Variants in SEMA3E observed in about 807,000 individuals in gnomAD.
The protein encoded by SEMA3E is semaphorin 3E.
SEMA3E carries 49 observed loss-of-function variants against 93.6 expected under a neutral mutation model. The observed-to-expected ratio is 0.52, with a 90% CI of 0.42 to 0.66. The LOEUF (loss-of-function observed/expected upper bound fraction) is 0.66. Ranked by LOEUF, SEMA3E falls within the 30% of genes least tolerant of loss-of-function variation. The pLI is 0.00. For synonymous variants in SEMA3E, 363 were observed against 330.7 expected, an observed-to-expected ratio of 1.10 and a Z score of -1.06; for missense variants, 906 against 964.8, an observed-to-expected ratio of 0.94 and a Z score of 0.81.
At position 83,405,981 on chromosome 7, in the gene SEMA3E, C is replaced by T; in HGVS notation, c.892G>A (p.Gly298Arg). The change falls in exon 8 of 17, where the codon GGA (glycine) becomes AGA (arginine). Residue 298 changes from glycine (G) to arginine (R), a missense_variant. By Grantham distance (125) the Gly-to-Arg change is moderately radical. Transcript: ENST00000643230. Reference protein sequence around the residue: ...LKARLVCSVPGMNGIDTYFDE... With the variant: ...LKARLVCSVPRMNGIDTYFDE... ...AAATATGTGTCAATTCCATTCATTC[C>T]TGGTACTGAGCAAACGAGTCTCGCT... The T allele has an allele frequency of 6.2e-7, 1 of 1,613,082 alleles. No homozygotes were observed. The highest frequency in any genetic ancestry group is 8.5e-7 in the Non-Finnish European group (1 of 1,179,292).
At chr7:83,542,941 G>C (rs767267704) in intron 1 of SEMA3E, among the ~76,000 whole-genome samples, 17 of 151,950 alleles carry the variant, frequency 1.1e-4, no homozygotes, top group Non-Finnish European at 1.9e-4. Flanking sequence ...TTAAACAAAA[G>C]TCTTTTTGTG....
At chr7:83,643,407 C>T (rs1020462395) in intron 1 of SEMA3E, among the ~76,000 whole-genome samples, 3 of 151,992 alleles carry the variant, frequency 2.0e-5, no homozygotes, top group African/African-American at 7.2e-5. Context: ...AAATTTTCCA[C>T]TCCAAAATTG....
chr7:83,631,470 G>T (rs1190665398), intron 1 of SEMA3E, among the ~76,000 whole-genome samples: 1 of 152,190 alleles, frequency 6.6e-6, no homozygotes, highest in African/African-American at 2.4e-5. Flanking sequence ...AAAACAAAAC[G>T]ACTTTATAAG....
chr7:83,471,916 C>T (rs1163938535), intron 2 of SEMA3E, among the ~76,000 whole-genome samples: 1 of 152,162 alleles, frequency 6.6e-6, no homozygotes, highest in Non-Finnish European at 1.5e-5. Flanking sequence ...GAAAGTCAAA[C>T]AGTATTTGCT....
chr7:83,460,425 C>T (rs925634058), intron 4 of SEMA3E, among the ~76,000 whole-genome samples: 13 of 151,918 alleles, frequency 8.6e-5, no homozygotes, highest in African/African-American at 2.9e-4. Context: ...AACTCCGGCA[C>T]GGGTCATGGA....
rs779609772 is a variant in SEMA3E at position 83,418,405 on chromosome 7, T to C, written c.535A>G (p.Ile179Val). 1.9e-5 allele frequency: 31 copies of C among 1,610,538 alleles called. No homozygotes were observed. Among genetic ancestry groups the C allele is most frequent in the Non-Finnish European group, 2.5e-5 (29 of 1,177,928 alleles). ...TGACAATTACCAATTAAAGTGGAGA[T>C]GAAGGAGGAGCTGGGGTCAAAAGGA... ...RCPFDPSSSF[I>V]STLIGSELFA... Residue 179 changes from isoleucine (I) to valine (V), a missense_variant, in exon 5 of 17, where the codon ATC becomes GTC. By Grantham distance (29) the Ile-to-Val change is conservative. Transcript: ENST00000643230.
chr7:83,437,527 A>T (rs1303754981), intron 4 of SEMA3E, among the ~76,000 whole-genome samples: 1 of 152,112 alleles, frequency 6.6e-6, no homozygotes, highest in Non-Finnish European at 1.5e-5. Context: ...TTTCTTTCTT[A>T]TTTTAAACAT....
intron 1 of SEMA3E, among the ~76,000 whole-genome samples, chr7:83,543,295 A>G (rs764222989): frequency 6.6e-6 from 1 of 152,142 alleles, no homozygotes; most frequent in Non-Finnish European, 1.5e-5. Context: ...GTTAATTGCC[A>G]TGAATACCCT....
intron 1 of SEMA3E, among the ~76,000 whole-genome samples, chr7:83,548,216 C>A (rs990491186): frequency 6.6e-6 from 1 of 152,074 alleles, no homozygotes; most frequent in Non-Finnish European, 1.5e-5. Context: ...AACTTGATCA[C>A]TTCTGACACC....
chr7:83,469,144 C>G, intron 3 of SEMA3E, 99 bp downstream of exon 3: 1 of 971,054 alleles, frequency 1.0e-6, no homozygotes, highest in South Asian at 1.4e-5. Flanking sequence ...TGCATACATA[C>G]TTTTATAAGA....
At chr7:83,466,363 T>C in intron 4 of SEMA3E, 119 bp downstream of exon 4, 1 of 1,219,444 alleles carries the variant, frequency 8.2e-7, no homozygotes, top group Non-Finnish European at 1.2e-6. Flanking sequence ...TCAAGCAAAC[T>C]GATTCAGTAC....
intron 1 of SEMA3E, among the ~76,000 whole-genome samples, chr7:83,583,262 C>CAA (rs1189407092): frequency 7.9e-5 from 12 of 152,128 alleles, no homozygotes; most frequent in Non-Finnish European, 1.5e-4. Context: ...TTATGGGGTA[C>CAA]AGTGTGATAT....
intron 2 of SEMA3E, among the ~76,000 whole-genome samples, chr7:83,476,254 G>T (rs1207740157): frequency 6.6e-6 from 1 of 152,100 alleles, no homozygotes. Flanking sequence ...GAGAAATCAG[G>T]TTCATTGACA....
intron 1 of SEMA3E, among the ~76,000 whole-genome samples, chr7:83,590,777 A>C (rs955034881): frequency 2.0e-5 from 3 of 152,104 alleles, no homozygotes; most frequent in African/African-American, 7.2e-5. Context: ...CATACAGAGA[A>C]TCAGAGGGTG....
chr7:83,469,112 A>AC, intron 3 of SEMA3E, 131 bp downstream of exon 3: 1 of 687,230 alleles, frequency 1.5e-6, no homozygotes, highest in South Asian at 1.7e-5. Context: ...ATGCCTATAT[A>AC]TTTTTTCTTC....
At chr7:83,451,219 T>G (rs1789352262) in intron 4 of SEMA3E, among the ~76,000 whole-genome samples, 1 of 152,170 alleles carries the variant, frequency 6.6e-6, no homozygotes, top group African/African-American at 2.4e-5. Flanking sequence ...CAATTAATCC[T>G]CTTTCCTTTA....
intron 16 of SEMA3E, among the ~76,000 whole-genome samples, chr7:83,377,995 T>A (rs1350135071): frequency 6.6e-6 from 1 of 151,906 alleles, no homozygotes; most frequent in Non-Finnish European, 1.5e-5. Flanking sequence ...GTATGTGGAA[T>A]TGCAGAAATT....
At chr7:83,614,050 C>T (rs1022779518) in intron 1 of SEMA3E, among the ~76,000 whole-genome samples, 2 of 152,046 alleles carry the variant, frequency 1.3e-5, no homozygotes, top group Admixed American at 6.6e-5. Flanking sequence ...ATTTTCTCTA[C>T]CCTTCAGTCT....
At chr7:83,577,863 T>C (rs941634250) in intron 1 of SEMA3E, among the ~76,000 whole-genome samples, 47 of 152,026 alleles carry the variant, frequency 3.1e-4, no homozygotes, top group African/African-American at 8.7e-4. Context: ...TAAATATAAA[T>C]AATCTCATAA....
Sources: allele counts gnomAD v4.1 joint callset (sites outside exome capture counted in the v4.1 genomes callset), GRCh38; gene constraint gnomAD v4.1.1; transcripts MANE v1.5; gene names NCBI Gene and HGNC (gene_info 2026-07-23, HGNC 2026-07-21).